The following C12orf56 variants were observed in gnomAD, a reference collection of about 807,000 sequenced individuals.
The protein encoded by C12orf56 is chromosome 12 open reading frame 56.
Under a neutral mutation model 69.9 loss-of-function variants are expected in C12orf56, and 71 were observed. That is an observed-to-expected ratio of 1.02 (90% confidence interval 0.84 to 1.24). The LOEUF (loss-of-function observed/expected upper bound fraction) is 1.24, where lower values mean the gene tolerates loss of function less well. C12orf56 is among the 50% of genes most tolerant of loss of function. The probability of loss-of-function intolerance (pLI) is 0.00; values close to 1 mark genes in which losing one functional copy is unlikely to be tolerated. For missense variants in C12orf56, 732 were observed against 738.5 expected (o/e 0.99, Z 0.10); for synonymous variants, 276 against 274.1 (o/e 1.01, Z -0.07).
intron 1 of C12orf56, among the ~76,000 whole-genome samples, chr12:64,381,856 G>A (rs887118327): frequency 2.6e-5 from 4 of 152,204 alleles, no homozygotes; most frequent in South Asian, 2.1e-4. Context: ...GGAAGATGAC[G>A]TCATTTGGTA....
chr12:64,363,813 C>G (rs1389455090), intron 1 of C12orf56, among the ~76,000 whole-genome samples: 1 of 152,122 alleles, frequency 6.6e-6, no homozygotes, highest in Non-Finnish European at 1.5e-5. Context: ...CTTTAATCCC[C>G]TGACCTGCAT....
chr12:64,387,077 C>CAAAAAAAAAAAAAAAAAAAAAAAAAAAAA (rs869290282), intron 1 of C12orf56, among the ~76,000 whole-genome samples: 4 of 42,106 alleles, frequency 9.5e-5, no homozygotes, highest in Admixed American at 4.6e-4. Context: ...GACTCTATCT[C>CAAAAAAAAAAAAAAAAAAAAAAAAAAAAA]AAAAAAAAAA....
chr12:64,333,808 A>G (rs1287898434), intron 2 of C12orf56, among the ~76,000 whole-genome samples: 1 of 152,108 alleles, frequency 6.6e-6, no homozygotes, highest in East Asian at 1.9e-4. Flanking sequence ...AGCCTATGTT[A>G]GCTTTAAATT....
intron 1 of C12orf56, 142 bp downstream of exon 1, chr12:64,390,172 G>T: frequency 8.8e-7 from 1 of 1,139,478 alleles, no homozygotes; most frequent in Non-Finnish European, 1.2e-6. Flanking sequence ...CAGCTTCCCT[G>T]TGTTCCTCGT....
chr12:64,287,330 A>G (rs2038221395), intron 6 of C12orf56, among the ~76,000 whole-genome samples: 1 of 150,846 alleles, frequency 6.6e-6, no homozygotes, highest in African/African-American at 2.4e-5. Flanking sequence ...AAATTAGCAT[A>G]GTGTGGCAGT....
At chr12:64,294,498 A>T (rs938719552) in intron 6 of C12orf56, among the ~76,000 whole-genome samples, 10 of 152,058 alleles carry the variant, frequency 6.6e-5, no homozygotes, top group Non-Finnish European at 1.5e-4. Flanking sequence ...ATCCAGCCTT[A>T]AAAAAAAGGA....
At chr12:64,279,080 TA>T (rs1565735705) in intron 8 of C12orf56, among the ~76,000 whole-genome samples, 2 of 152,214 alleles carry the variant, frequency 1.3e-5, no homozygotes, top group South Asian at 2.1e-4. Context: ...TTCTTTTTTT[TA>T]AATATAAAAA....
Position 64,318,621 on chromosome 12 carries a change from G to C in C12orf56, c.848C>G (p.Ser283Ter). The stretch of plus-strand genomic sequence containing the variant: ...ACTTTTTAAGTGCAGAAATATTGAT[G>C]AGGTTGTGGAAATAACATACAAATG... ...ELHLYVISTT[S>*]SIFLHLKSSW... Residue 283 changes from serine (S) to a stop codon, truncating the protein, a stop_gained, in exon 4 of 13, where the codon TCA (serine) becomes TGA (stop). Transcript: ENST00000543942. LOFTEE classifies it high-confidence loss of function. 6.5e-7 allele frequency: 1 copy of C among 1,536,734 alleles called. No individual in the cohort carries two copies. Among genetic ancestry groups the C allele is most frequent in the East Asian group, 2.4e-5 (1 of 40,920 alleles).
chr12:64,323,652 C>T (rs1477162811), intron 3 of C12orf56, among the ~76,000 whole-genome samples: 2 of 143,998 alleles, frequency 1.4e-5, no homozygotes, highest in African/African-American at 2.6e-5. Context: ...GAGGGACATG[C>T]CACAAGCCCA....
intron 1 of C12orf56, among the ~76,000 whole-genome samples, chr12:64,371,477 C>G (rs968872694): frequency 3.0e-4 from 45 of 152,086 alleles, no homozygotes; most frequent in African/African-American, 9.9e-4. Context: ...AAAAAATCAA[C>G]TCAAAATGGA....
At chr12:64,370,921 G>C (rs923263645) in intron 1 of C12orf56, among the ~76,000 whole-genome samples, 6 of 152,126 alleles carry the variant, frequency 3.9e-5, no homozygotes, top group African/African-American at 1.4e-4. Context: ...GATTGCTTGA[G>C]CCCAGGAGTT....
At chr12:64,362,177 A>C (rs1323572791) in intron 1 of C12orf56, among the ~76,000 whole-genome samples, 2 of 152,086 alleles carry the variant, frequency 1.3e-5, no homozygotes, top group Non-Finnish European at 2.9e-5. Context: ...CTCCTTAGAA[A>C]CTGGGGCTGG....
intron 1 of C12orf56, among the ~76,000 whole-genome samples, chr12:64,373,652 TA>T: frequency 6.6e-6 from 1 of 152,142 alleles, no homozygotes; most frequent in East Asian, 1.9e-4. Flanking sequence ...CAGTCTCCAC[TA>T]AAGGAAGGAA....
chr12:64,309,000 A>AAGAAAGAAG (rs1565749196), intron 5 of C12orf56, among the ~76,000 whole-genome samples: 35 of 151,476 alleles, frequency 2.3e-4, no homozygotes, highest in African/African-American at 8.5e-4. Context: ...AAAGAAGGAA[A>AAGAAAGAAG]GAAAGAAGAA....
intron 3 of C12orf56, among the ~76,000 whole-genome samples, chr12:64,321,109 A>C (rs893960109): frequency 6.6e-6 from 1 of 152,190 alleles, no homozygotes; most frequent in Non-Finnish European, 1.5e-5. Flanking sequence ...TCATTTCCTA[A>C]TTTTAAAATA....
At chr12:64,353,112 TG>T (rs2039256664) in intron 1 of C12orf56, 56 bp from the exon 2 acceptor site, 1 of 1,542,912 alleles carries the variant, frequency 6.5e-7, no homozygotes, top group East Asian at 2.3e-5. Context: ...TTACCTATTT[TG>T]GTATAATAAA....
At chr12:64,343,069 T>C (rs547911600) in intron 2 of C12orf56, among the ~76,000 whole-genome samples, 2 of 152,276 alleles carry the variant, frequency 1.3e-5, no homozygotes, top group South Asian at 2.1e-4. Flanking sequence ...ATGAGGGATG[T>C]CTTGCCTCCA....
chr12:64,360,633 A>G (rs546918803), intron 1 of C12orf56, among the ~76,000 whole-genome samples: 263 of 152,316 alleles, frequency 1.7e-3, no homozygotes, highest in Non-Finnish European at 2.8e-3. Context: ...TCTATTTTGC[A>G]TGGCTATTTA....
intron 1 of C12orf56, among the ~76,000 whole-genome samples, chr12:64,372,956 T>C (rs2039593246): frequency 6.6e-6 from 1 of 152,214 alleles, no homozygotes; most frequent in African/African-American, 2.4e-5. Context: ...AGCTTTTTAC[T>C]TCCTCGATGA....
Sources: gnomAD v4.1 joint callset for allele counts (sites outside exome capture counted in the v4.1 genomes callset) on GRCh38, gnomAD v4.1.1 for gene constraint, MANE v1.5 for transcripts, NCBI Gene and HGNC (gene_info 2026-07-23, HGNC 2026-07-21) for gene names.